TP53BP2: variants seen among roughly 807,000 people sequenced by gnomAD.
TP53BP2 encodes the protein tumor protein p53 binding protein 2, also known as apoptosis-stimulating of p53 protein 2.
TP53BP2 carries 62 observed loss-of-function variants against 126.2 expected under a neutral mutation model. The observed-to-expected ratio is 0.49, with a 90% CI of 0.40 to 0.61. The LOEUF (loss-of-function observed/expected upper bound fraction) is 0.61. Among genes scored for constraint, TP53BP2 ranks in the 20% least tolerant of loss-of-function variants. The pLI is 0.00. For missense variants in TP53BP2, 1,215 were observed against 1,402.8 expected (o/e 0.87, Z 2.14); for synonymous variants, 485 against 502.9 (o/e 0.96, Z 0.48).
chr1:223,817,799 G>A lies in TP53BP2; in HGVS notation c.175+3421C>T, dbSNP rs1392979655. 2.0e-5 allele frequency among the ~76,000 whole-genome samples: 3 copies of A among 151,862 alleles called. No individual in the cohort carries two copies. The East Asian group carries it at 5.8e-4, about 29-fold the overall frequency. On this transcript the variant is annotated intron_variant, in intron 2 of 17. Coordinates refer to ENST00000343537, the MANE Select transcript of TP53BP2 (RefSeq NM_001031685.3). ...AAATTAGCTGGGCGTGGTGGTGGGC[G>A]CCTGTAGTTCCAGCTACTCAGGGGG... is the stretch of plus-strand genomic sequence containing the variant.
At chr1:223,834,135 A>G (rs1434792338) in intron 1 of TP53BP2, among the ~76,000 whole-genome samples, 1 of 152,248 alleles carries the variant, frequency 6.6e-6, no homozygotes, top group Non-Finnish European at 1.5e-5. Flanking sequence ...GGCAGGGAGA[A>G]CAGGGGGTAG....
chr1:223,809,070 GATATA>G (rs1161663204), intron 4 of TP53BP2, among the ~76,000 whole-genome samples: 1 of 151,904 alleles, frequency 6.6e-6, no homozygotes, highest in East Asian at 1.9e-4. Context: ...TATATATAAA[GATATA>G]ATATATCTCT....
chr1:223,826,078 A>G (rs1261757581), intron 1 of TP53BP2: 1 of 152,310 alleles, frequency 6.6e-6, no homozygotes, highest in African/African-American at 2.4e-5. Context: ...GTGAGGACAC[A>G]GCCCAGCTAA....
Position 223,845,727 on chromosome 1 carries a change from G to T in TP53BP2, c.-47C>A. 2 of 1,483,478 alleles carry T rather than the reference G, an allele frequency of 1.3e-6. No homozygotes were observed. Among genetic ancestry groups the T allele is most frequent in the South Asian group, 1.3e-5 (1 of 76,574 alleles). The allele number at this position is 1,483,478 out of a possible 1,614,324, so 91.9% of individuals were successfully genotyped here. On this transcript the variant is annotated 5_prime_UTR_variant, in exon 1 of 18. Transcript: ENST00000343537. Reference sequence around the variant, plus strand: ...GGCCCCGGCCGAGCTGAGGTGCCCCGGAGGGTCGCGGATGCGGGGGAGGGG... The same window carrying T: ...GGCCCCGGCCGAGCTGAGGTGCCCCTGAGGGTCGCGGATGCGGGGGAGGGG...
At chr1:223,805,845 C>G (rs1050941982) in intron 5 of TP53BP2, among the ~76,000 whole-genome samples, 1 of 152,152 alleles carries the variant, frequency 6.6e-6, no homozygotes, top group African/African-American at 2.4e-5. Flanking sequence ...ATCTGTTTAC[C>G]TATTATCCAT....
At chr1:223,784,055 G>T in intron 17 of TP53BP2, 60 bp downstream of exon 17, 1 of 1,512,190 alleles carries the variant, frequency 6.6e-7, no homozygotes. Context: ...ACATACAGCA[G>T]TTTTTACAAA....
intron 5 of TP53BP2, among the ~76,000 whole-genome samples, chr1:223,805,551 A>G (rs963714444): frequency 6.6e-6 from 1 of 152,222 alleles, no homozygotes; most frequent in Non-Finnish European, 1.5e-5. Context: ...ACAAACAGAA[A>G]TGGATGCACA....
intron 1 of TP53BP2, among the ~76,000 whole-genome samples, chr1:223,827,333 T>C (rs1310920240): frequency 1.3e-5 from 2 of 151,840 alleles, no homozygotes; most frequent in African/African-American, 4.8e-5. Flanking sequence ...AAGGAAGAAG[T>C]CCAGAAGAGT....
chr1:223,845,626 C>T (rs763472290), intron 1 of TP53BP2, 28 bp downstream of exon 1: 3 of 1,544,386 alleles, frequency 1.9e-6, no homozygotes, highest in Non-Finnish European at 2.6e-6. Context: ...ACTTCCGGGC[C>T]CGACGCCCTG....
At chr1:223,838,143 CTCA>C (rs908765867) in intron 1 of TP53BP2, among the ~76,000 whole-genome samples, 1 of 152,134 alleles carries the variant, frequency 6.6e-6, no homozygotes, top group Non-Finnish European at 1.5e-5. Flanking sequence ...CCATTTAACT[CTCA>C]TGTTTTTCTT....
Position 223,796,435 on chromosome 1 carries a change from G to A in TP53BP2, c.2104C>T (p.Pro702Ser). Residue 702 changes from proline to serine, a missense_variant, in exon 13 of 18, where the codon CCA (proline) becomes TCA (serine). This residue lies in a region of TP53BP2 where 46 missense variants were observed against 93.0 expected (regional missense o/e 0.49). Coordinates refer to ENST00000343537, the MANE Select transcript of TP53BP2 (RefSeq NM_001031685.3). This position sits in a 1 kb window ranked among gnomAD's most constrained non-coding sequence, Gnocchi z 4.2. ...GGCAGTAATTTAGTTGGGCTGAGTGGCCGAGGAATTCTTTCGTTTTCATGG... is the reference window on the plus strand; with the variant it reads ...GGCAGTAATTTAGTTGGGCTGAGTGACCGAGGAATTCTTTCGTTTTCATGG... ...ENHENERIPR[P>S]LSPTKLLPFL... 2 of 1,614,170 alleles carry A rather than the reference G, an allele frequency of 1.2e-6. No individual in the cohort carries two copies. Among genetic ancestry groups the A allele is most frequent in the Non-Finnish European group, 1.7e-6 (2 of 1,180,030 alleles).
rs182035926 is a variant in TP53BP2 at position 223,831,053 on chromosome 1, G to A, written c.28-9686C>T. Among the ~76,000 whole-genome samples, 917 of 151,832 alleles carry A rather than the reference G, an allele frequency of 6.0e-3. 5 individuals are homozygous for A. Among genetic ancestry groups the A allele is most frequent in the African/African-American group, 0.021 (877 of 41,394 alleles). On this transcript the variant is annotated intron_variant, in intron 1 of 17. Coordinates refer to ENST00000343537, the MANE Select transcript of TP53BP2 (RefSeq NM_001031685.3). ...GCGGAGCTTGCAGTGAGCCGAGATC[G>A]CGCCACTGCACTCCAGCCTGGGAGA... is the stretch of plus-strand genomic sequence containing the variant.
chr1:223,828,410 G>A (rs1235293211), intron 1 of TP53BP2, among the ~76,000 whole-genome samples: 1 of 152,074 alleles, frequency 6.6e-6, no homozygotes, highest in African/African-American at 2.4e-5. Context: ...AATGTACCAC[G>A]TGCACAATAA....
chr1:223,813,027 C>G (rs147654079), intron 3 of TP53BP2, among the ~76,000 whole-genome samples: 1 of 152,238 alleles, frequency 6.6e-6, no homozygotes, highest in Non-Finnish European at 1.5e-5. Context: ...GTCCAATAAC[C>G]CTGCTCGTTC....
At chr1:223,782,479 A>G (rs887213334) in intron 17 of TP53BP2, among the ~76,000 whole-genome samples, 1 of 152,208 alleles carries the variant, frequency 6.6e-6, no homozygotes, top group Non-Finnish European at 1.5e-5. Context: ...TTATATTTCT[A>G]CTTTCCTCTG....
At chr1:223,805,656 T>G (rs1311479991) in intron 5 of TP53BP2, among the ~76,000 whole-genome samples, 1 of 152,226 alleles carries the variant, frequency 6.6e-6, no homozygotes, top group Non-Finnish European at 1.5e-5. Context: ...TGGGTAACTT[T>G]GCCCATGACA....
At position 223,796,220 on chromosome 1, in the gene TP53BP2, G is replaced by A; in HGVS notation, c.2319C>T (p.Val773=). The A allele has an allele frequency of 1.2e-6, 2 of 1,614,172 alleles. No homozygotes were observed. Among genetic ancestry groups the A allele is most frequent in the Non-Finnish European group, 1.7e-6 (2 of 1,180,012 alleles). ...TTIAAMETIS[V]PSYPSKSASV... ...AAGCTGACTTGGATGGGTATGATGG[G>A]ACAGAGATGGTCTCCATGGCCGCTA... The change falls in exon 13 of 18, where the codon GTC becomes GTT. Residue 773 remains valine (V), a synonymous_variant. Coordinates refer to ENST00000343537, the MANE Select transcript of TP53BP2 (RefSeq NM_001031685.3). This position sits in a 1 kb window ranked among gnomAD's most constrained non-coding sequence, Gnocchi z 4.2.
In TP53BP2 at chr1:223,820,762, C is replaced by T. The variant is rs556159535; in HGVS notation, c.175+458G>A. Among the ~76,000 whole-genome samples the T allele has an allele frequency of 1.1e-4, 17 of 152,308 alleles. No individual in the cohort carries two copies. In the East Asian group the frequency reaches 3.3e-3, roughly 29 times the overall value. ...GAAACCAGGCTATCCCATTTTAGAG[C>T]TCCAAAGAACCATACAGAAGGATTG... On this transcript the variant is annotated intron_variant, in intron 2 of 17. Coordinates refer to ENST00000343537, the MANE Select transcript of TP53BP2 (RefSeq NM_001031685.3).
At position 223,800,041 on chromosome 1, in the gene TP53BP2, T is replaced by A; in HGVS notation, c.1343A>T (p.Asp448Val). 6.2e-7 allele frequency: 1 copy of A among 1,601,496 alleles called. No homozygotes were observed. Among genetic ancestry groups the A allele is most frequent in the Non-Finnish European group, 8.5e-7 (1 of 1,176,182 alleles). The change falls in exon 11 of 18, where the codon GAT (aspartate) becomes GTT (valine). Residue 448 changes from aspartate (D) to valine (V), a missense_variant. Physicochemically the swap from Asp to Val is radical, Grantham distance 152 (BLOSUM62 -3). Coordinates refer to ENST00000343537, the MANE Select transcript of TP53BP2 (RefSeq NM_001031685.3). The stretch of plus-strand genomic sequence containing the variant: ...TTTCTCCCTCAGCGGAACCTCTCCA[T>A]CATCAACTAAAGACAAAAAAATCAC... ...STGNALDQVDDGEVPLREKEK... is the reference protein window; with the variant it reads ...STGNALDQVDVGEVPLREKEK...
Sources: gnomAD v4.1 joint callset for allele counts (sites outside exome capture counted in the v4.1 genomes callset) on GRCh38, gnomAD v4.1.1 for gene constraint, gnomAD v4.1.1 regional missense constraint, Gnocchi (gnomAD v3.1) non-coding constraint, MANE v1.5 for transcripts, NCBI Gene and HGNC (gene_info 2026-07-23, HGNC 2026-07-21) for gene names.